The following ARHGAP44 variants were observed in gnomAD, a reference collection of about 807,000 sequenced individuals.
The protein encoded by ARHGAP44 is Rho GTPase activating protein 44.
ARHGAP44 carries 43 observed loss-of-function variants against 106.8 expected under a neutral mutation model. The observed-to-expected ratio is 0.40, with a 90% CI of 0.32 to 0.52. The LOEUF (loss-of-function observed/expected upper bound fraction) is 0.52. Ranked by LOEUF, ARHGAP44 falls within the 20% of genes least tolerant of loss-of-function variation. The pLI, the probability that ARHGAP44 is intolerant of heterozygous loss-of-function variation, is 0.48. For synonymous variants in ARHGAP44, 439 were observed against 410.3 expected (o/e 1.07, Z -0.85); for missense variants, 866 against 1,050.5 (o/e 0.82, Z 2.43).
intron 3 of ARHGAP44, among the ~76,000 whole-genome samples, chr17:12,903,130 AGAGAGAGAGAGTGTGTGTGTGTGTGTGT>A (rs1567677769): frequency 1.8e-4 from 21 of 116,750 alleles, no homozygotes; most frequent in African/African-American, 6.0e-4. Flanking sequence ...GAGAGAGGAG[AGAGAGAGAGAGTGTGTGTGTGTGTGTGT>A]GTGTGTGTGT....
At chr17:12,848,150 G>A (rs1597932503) in intron 1 of ARHGAP44, among the ~76,000 whole-genome samples, 1 of 152,182 alleles carries the variant, frequency 6.6e-6, no homozygotes, top group South Asian at 2.1e-4. Context: ...ATATCAGACT[G>A]TTTCTTATGA....
intron 1 of ARHGAP44, among the ~76,000 whole-genome samples, chr17:12,816,301 T>C (rs2034594972): frequency 6.6e-6 from 1 of 152,124 alleles, no homozygotes; most frequent in Non-Finnish European, 1.5e-5. Flanking sequence ...GCAAAGAAGG[T>C]GACCTTCTCC....
At chr17:12,929,771 C>T (rs1421386379) in intron 7 of ARHGAP44, among the ~76,000 whole-genome samples, 1 of 152,124 alleles carries the variant, frequency 6.6e-6, no homozygotes, top group Non-Finnish European at 1.5e-5. Context: ...CTATTTAGAC[C>T]CAAGGAACAA....
At chr17:12,924,756 T>C (rs894659028) in intron 6 of ARHGAP44, among the ~76,000 whole-genome samples, 15 of 152,122 alleles carry the variant, frequency 9.9e-5, no homozygotes, top group African/African-American at 3.6e-4. Context: ...AGAGGAAAGC[T>C]GTGTGAGGAC....
At chr17:12,929,794 T>C (rs2038347693) in intron 7 of ARHGAP44, among the ~76,000 whole-genome samples, 1 of 152,164 alleles carries the variant, frequency 6.6e-6, no homozygotes, top group South Asian at 2.1e-4. Flanking sequence ...ACATCACATT[T>C]CTGTAACTAT....
chr17:12,918,011 C>A (rs918306396), intron 5 of ARHGAP44, among the ~76,000 whole-genome samples: 1 of 152,118 alleles, frequency 6.6e-6, no homozygotes, highest in Non-Finnish European at 1.5e-5. Flanking sequence ...AGGAGAAAAT[C>A]GTGGATGAAG....
chr17:12,984,922 AG>A lies in ARHGAP44; in HGVS notation c.2317+16del, dbSNP rs760237770. 6.3e-7 allele frequency: 1 copy of A among 1,582,114 alleles called. No individual in the cohort carries two copies. The highest frequency in any genetic ancestry group is 1.1e-5 in the South Asian group (1 of 87,834). The stretch of plus-strand genomic sequence containing the variant: ...GCATGTCTACAGGTAACCAAGCCAC[AG>A]GCTCCCTCACTTTTTTTTATGAACT... On this transcript the variant is annotated intron_variant, in intron 20 of 20. Transcript: ENST00000379672.
chr17:12,949,654 T>C lies in ARHGAP44; in HGVS notation c.979T>C (p.Leu327=). ...SADPHAIAGA[L]KSYLRELPEP... ...AATATTTCATTCATGCCTAGGAGCTTTGAAATCTTACCTCCGAGAGTTGCC... is the reference window on the plus strand; with the variant it reads ...AATATTTCATTCATGCCTAGGAGCTCTGAAATCTTACCTCCGAGAGTTGCC... The change falls in exon 12 of 21, where the codon TTG becomes CTG. Residue 327 remains leucine, a synonymous_variant. Transcript: ENST00000379672. The surrounding 1 kb of genome is among the most constrained non-coding windows in gnomAD (Gnocchi z 4.1). 1 of 1,613,816 alleles carries C rather than the reference T, an allele frequency of 6.2e-7. No homozygotes were observed. The highest frequency in any genetic ancestry group is 8.5e-7 in the Non-Finnish European group (1 of 1,179,802).
intron 17 of ARHGAP44, 94 bp from the exon 18 acceptor site, chr17:12,973,995 C>A: frequency 1.5e-6 from 2 of 1,318,124 alleles, no homozygotes; most frequent in Non-Finnish European, 2.1e-6. Context: ...CGCTGCTCTT[C>A]TCCCAACGCG....
At chr17:12,899,085 C>T (rs141129091) in intron 3 of ARHGAP44, among the ~76,000 whole-genome samples, 7,237 of 152,218 alleles carry the variant, frequency 0.048, 236 homozygotes, top group Admixed American at 0.081. Flanking sequence ...ATTCTCCCAC[C>T]TCAGCCTACT....
chr17:12,860,662 C>T (rs1457986094), intron 1 of ARHGAP44, among the ~76,000 whole-genome samples: 2 of 152,028 alleles, frequency 1.3e-5, no homozygotes, highest in Non-Finnish European at 2.9e-5. Flanking sequence ...TTCCATTCCC[C>T]ATTTCTCTGG....
At chr17:12,923,363 C>T (rs533237856) in intron 6 of ARHGAP44, among the ~76,000 whole-genome samples, 4 of 152,254 alleles carry the variant, frequency 2.6e-5, no homozygotes, top group East Asian at 1.9e-4. Context: ...GGCGCCACCA[C>T]ACCCAGCTAA....
intron 1 of ARHGAP44, among the ~76,000 whole-genome samples, chr17:12,837,818 A>G (rs1342653158): frequency 6.6e-6 from 1 of 152,034 alleles, no homozygotes; most frequent in African/African-American, 2.4e-5. Flanking sequence ...AGGGGTGGGA[A>G]ATGGTTTATG....
rs1567722517 is a variant in ARHGAP44 at position 12,980,176 on chromosome 17, G to A, written c.1882G>A (p.Ala628Thr). 6.2e-6 allele frequency: 10 copies of A among 1,612,546 alleles called. No homozygotes were observed. The highest frequency in any genetic ancestry group is 7.6e-6 in the Non-Finnish European group (9 of 1,179,750). ...PGAQPGAQPG[A>T]SPSPSQPPAD... ...GGCTCAACCTGGAGCTCAGCCGGGC[G>A]CCAGCCCCAGCCCCAGCCAGCCGCC... The change falls in exon 19 of 21, where the codon GCC becomes ACC. Residue 628 changes from alanine (A) to threonine (T), a missense_variant. By Grantham distance (58) the Ala-to-Thr change is moderately conservative (BLOSUM62 0). Coordinates refer to ENST00000379672, the MANE Select transcript of ARHGAP44 (RefSeq NM_014859.6).
intron 7 of ARHGAP44, among the ~76,000 whole-genome samples, chr17:12,936,258 CT>C (rs1332018403): frequency 1.3e-5 from 2 of 152,170 alleles, no homozygotes; most frequent in African/African-American, 4.8e-5. Flanking sequence ...GTTGTATATT[CT>C]GGGGGCTTTG....
In ARHGAP44 at chr17:12,789,773, C is replaced by A; in HGVS notation, c.-66C>A. On this transcript the variant is annotated 5_prime_UTR_variant, in exon 1 of 21. In the 5' UTR this introduces an upstream ATG that the reference lacks. Transcript: ENST00000379672. ...GGCTCCGCGCGGGAGCCATGTAACC[C>A]TGCGGCGGGCTCCGGGCTGCTCCGT... 1 of 1,409,742 alleles carries A rather than the reference C, an allele frequency of 7.1e-7. No homozygotes were observed. The highest frequency in any genetic ancestry group is 9.3e-7 in the Non-Finnish European group (1 of 1,076,084). 87.3% of individuals were successfully genotyped at this position (1,409,742 alleles called of 1,614,324 possible).
intron 4 of ARHGAP44, among the ~76,000 whole-genome samples, chr17:12,914,755 C>T (rs1271902898): frequency 6.9e-6 from 1 of 144,038 alleles, no homozygotes; most frequent in Non-Finnish European, 1.5e-5. Context: ...AAGATCGTGC[C>T]ACTGTACTCC....
intron 6 of ARHGAP44, among the ~76,000 whole-genome samples, chr17:12,920,474 G>C (rs2038050458): frequency 6.6e-6 from 1 of 151,460 alleles, no homozygotes; most frequent in African/African-American, 2.4e-5. Flanking sequence ...AAGCTTTTTT[G>C]AGGTGGGTCA....
chr17:12,973,977 T>G, intron 17 of ARHGAP44, 112 bp from the exon 18 acceptor site: 1 of 1,182,238 alleles, frequency 8.5e-7, no homozygotes, highest in East Asian at 2.6e-5. Context: ...CCCGGGGTGC[T>G]AAAGCTGCGC....
Sources: gnomAD v4.1 joint callset for allele counts (sites outside exome capture counted in the v4.1 genomes callset) on GRCh38, gnomAD v4.1.1 for gene constraint, Gnocchi (gnomAD v3.1) non-coding constraint, MANE v1.5 for transcripts, NCBI Gene and HGNC (gene_info 2026-07-23, HGNC 2026-07-21) for gene names.